Variants in SEMA3A observed in about 807,000 individuals in gnomAD.
SEMA3A encodes semaphorin-3A.
In SEMA3A, 29 loss-of-function variants were observed where a neutral mutation model predicts 97.9. The ratio of observed to expected loss-of-function variants is 0.30; its 90% CI spans 0.22 to 0.40. The LOEUF (loss-of-function observed/expected upper bound fraction) is 0.40. Among genes scored for constraint, SEMA3A ranks in the 10% least tolerant of loss-of-function variants. SEMA3A has a pLI of 1.00. For missense variants in SEMA3A, 763 were observed against 951.3 expected (o/e 0.80, Z 2.60); for synonymous variants, 321 against 323.7 (o/e 0.99, Z 0.09).
At chr7:84,213,186 A>AT (rs1798672923) in intron 3 of SEMA3A, among the ~76,000 whole-genome samples, 1 of 152,148 alleles carries the variant, frequency 6.6e-6, no homozygotes. Context: ...CATGTTGGTC[A>AT]GGCTGGTCTT....
chr7:84,266,679 C>A (rs974823722), intron 3 of SEMA3A, among the ~76,000 whole-genome samples: 1 of 152,034 alleles, frequency 6.6e-6, no homozygotes, highest in Non-Finnish European at 1.5e-5. Context: ...GGAAGGAAAT[C>A]GCTTTAGCTG....
intron 1 of SEMA3A, among the ~76,000 whole-genome samples, chr7:84,458,271 A>G (rs1338860605): frequency 6.6e-6 from 1 of 152,028 alleles, no homozygotes; most frequent in East Asian, 1.9e-4. Flanking sequence ...TAAAAAGAAT[A>G]CATCTTATCT....
At chr7:84,159,765 C>A (rs1796969511) in intron 1 of SEMA3A, among the ~76,000 whole-genome samples, 1 of 152,074 alleles carries the variant, frequency 6.6e-6, no homozygotes, top group African/African-American at 2.4e-5. Context: ...AGGATTAATG[C>A]TTCTTATAAT....
intron 1 of SEMA3A, among the ~76,000 whole-genome samples, chr7:84,463,358 C>T (rs1015639748): frequency 1.3e-5 from 2 of 149,274 alleles, no homozygotes; most frequent in Non-Finnish European, 3.0e-5. Flanking sequence ...AGGCCATTCT[C>T]CTGCCTCAGC....
chr7:84,398,060 A>G (rs1803785454), intron 1 of SEMA3A, among the ~76,000 whole-genome samples: 1 of 152,218 alleles, frequency 6.6e-6, no homozygotes, highest in Admixed American at 6.5e-5. Context: ...GTCTGATTTT[A>G]AAGAGTGAAG....
chr7:84,132,737 A>G lies in SEMA3A; in HGVS notation c.270+2057T>C, dbSNP rs1354613083. 5.6e-5 allele frequency among the ~76,000 whole-genome samples: 7 copies of G among 125,806 alleles called. No homozygotes were observed. The East Asian group carries it at 1.6e-3, about 29-fold the overall frequency. The allele number at this position is 125,806 out of a possible 152,430, so 82.5% of individuals were successfully genotyped here. Reference sequence around the variant, plus strand: ...GTCACCCAGGCTGGAGTGCAATGGCATGATCTCAGCTCACTGCAACCTCTG... The same window carrying G: ...GTCACCCAGGCTGGAGTGCAATGGCGTGATCTCAGCTCACTGCAACCTCTG... On this transcript the variant is annotated intron_variant, in intron 2 of 16. Transcript: ENST00000265362.
intron 1 of SEMA3A, among the ~76,000 whole-genome samples, chr7:84,484,760 T>C (rs1038173799): frequency 1.6e-4 from 24 of 152,180 alleles, no homozygotes; most frequent in Non-Finnish European, 2.9e-5. Context: ...AATCAAAATA[T>C]GATGGCAATA....
intron 1 of SEMA3A, among the ~76,000 whole-genome samples, chr7:84,143,034 C>T (rs182022813): frequency 2.4e-3 from 370 of 152,190 alleles, no homozygotes; most frequent in Non-Finnish European, 4.2e-3. Flanking sequence ...CAATAATTTG[C>T]CCTGTATTTT....
intron 4 of SEMA3A, among the ~76,000 whole-genome samples, chr7:84,099,305 C>CAG (rs1794880560): frequency 1.8e-5 from 1 of 55,392 alleles, no homozygotes; most frequent in Admixed American, 2.9e-4. Context: ...CTCCTGACCT[C>CAG]GTGATCCGCC....
intron 3 of SEMA3A, among the ~76,000 whole-genome samples, chr7:84,221,614 T>A (rs1470181286): frequency 2.6e-5 from 4 of 152,178 alleles, no homozygotes; most frequent in South Asian, 2.1e-4. Context: ...CTGAAATTAT[T>A]GTTCTAAAAC....
At chr7:84,110,637 G>C (rs1795251951) in intron 3 of SEMA3A, 48 bp from the exon 4 acceptor site, 2 of 1,609,726 alleles carry the variant, frequency 1.2e-6, no homozygotes, top group Admixed American at 1.7e-5. Context: ...CAGCATGACT[G>C]AGGTATCCTC....
intron 6 of SEMA3A, among the ~76,000 whole-genome samples, chr7:84,030,258 A>G (rs1191127853): frequency 6.6e-6 from 1 of 152,154 alleles, no homozygotes; most frequent in Non-Finnish European, 1.5e-5. Flanking sequence ...CTTCACACTA[A>G]AACCTTCTCT....
Position 84,186,870 on chromosome 7 carries a change from C to T in SEMA3A, c.112+7605G>A, listed in dbSNP as rs1417338295. 8.5e-5 allele frequency among the ~76,000 whole-genome samples: 13 copies of T among 152,190 alleles called. No homozygotes were observed. The East Asian group carries it at 1.2e-3, about 14-fold the overall frequency. On this transcript the variant is annotated intron_variant, in intron 1 of 16. Coordinates refer to ENST00000265362, the MANE Select transcript of SEMA3A (RefSeq NM_006080.3). ...AAATTAGCCTACTATCCTCTCCCACCCTCTCAATCAGTATCTTAAACAAAG... is the reference window on the plus strand; with the variant it reads ...AAATTAGCCTACTATCCTCTCCCACTCTCTCAATCAGTATCTTAAACAAAG...
chr7:84,469,231 C>T (rs1806082454), intron 1 of SEMA3A, among the ~76,000 whole-genome samples: 1 of 152,092 alleles, frequency 6.6e-6, no homozygotes, highest in Non-Finnish European at 1.5e-5. Context: ...CTTTGGGAGA[C>T]CTTCGCTCTT....
intron 1 of SEMA3A, among the ~76,000 whole-genome samples, chr7:84,445,773 A>T (rs919936582): frequency 1.3e-5 from 2 of 151,794 alleles, no homozygotes; most frequent in Non-Finnish European, 2.9e-5. Flanking sequence ...ATCAAGAAAG[A>T]TCTCAAAGCA....
chr7:84,278,467 T>C (rs1042447890), intron 3 of SEMA3A, among the ~76,000 whole-genome samples: 9 of 152,112 alleles, frequency 5.9e-5, no homozygotes, highest in African/African-American at 2.2e-4. Context: ...AACACTCCAT[T>C]CCTTGGTACC....
At chr7:84,032,312 T>C (rs556579291) in intron 6 of SEMA3A, among the ~76,000 whole-genome samples, 1 of 152,284 alleles carries the variant, frequency 6.6e-6, no homozygotes, top group African/African-American at 2.4e-5. Flanking sequence ...ACACAGACCA[T>C]GGCAACTTTT....
At chr7:84,088,448 C>T (rs1281061001) in intron 4 of SEMA3A, among the ~76,000 whole-genome samples, 3 of 149,470 alleles carry the variant, frequency 2.0e-5, no homozygotes, top group South Asian at 4.2e-4. Context: ...AGGGAGACTC[C>T]GTTTCCAAAA....
chr7:84,046,769 T>C (rs1345117680), intron 5 of SEMA3A, among the ~76,000 whole-genome samples: 3 of 152,046 alleles, frequency 2.0e-5, no homozygotes, highest in African/African-American at 7.2e-5. Context: ...ACTGACAAAC[T>C]CACAAAATGG....
Sources: allele counts gnomAD v4.1 joint callset (sites outside exome capture counted in the v4.1 genomes callset), GRCh38; gene constraint gnomAD v4.1.1; transcripts MANE v1.5; gene names NCBI Gene and HGNC (gene_info 2026-07-23, HGNC 2026-07-21).